CSMD2: variants seen among roughly 807,000 people sequenced by gnomAD.
The protein encoded by CSMD2 is CUB and sushi domain-containing protein 2.
Under a neutral mutation model 398.5 loss-of-function variants are expected in CSMD2, and 130 were observed. The observed-to-expected ratio is 0.33, with a 90% CI of 0.28 to 0.38. The LOEUF is 0.38. CSMD2 is among the 10% of genes least tolerant of loss of function. The pLI, the probability that CSMD2 is intolerant of heterozygous loss-of-function variation, is 1.00. For missense variants in CSMD2, 3,829 were observed against 4,764.9 expected (o/e 0.80, Z 5.78); for synonymous variants, 1,828 against 1,908.5 (o/e 0.96, Z 1.10).
intron 3 of CSMD2, among the ~76,000 whole-genome samples, chr1:34,019,971 A>G (rs570484316): frequency 6.6e-6 from 1 of 152,340 alleles, no homozygotes; most frequent in Non-Finnish European, 1.5e-5. Flanking sequence ...GAGCTGAGGA[A>G]TCAGCACAGA....
intron 37 of CSMD2, among the ~76,000 whole-genome samples, chr1:33,618,381 G>A (rs1355050079): frequency 6.6e-6 from 1 of 152,054 alleles, no homozygotes. Context: ...TCCTTGAATT[G>A]TGGGACCTCC....
chr1:33,714,718 C>A lies in CSMD2; in HGVS notation c.3275G>T (p.Gly1092Val). ...PEVPAYSIRK[G>V]LQFGVGDTLT... ...GGTGTCGCCCACGCCAAACTGCAAG[C>A]CCTTCCGGATGCTGTAGGCTGGGAC... The change falls in exon 21 of 71, where the codon GGC (glycine) becomes GTC (valine). Residue 1092 changes from glycine to valine, a missense_variant. Transcript: ENST00000373381. The A allele has an allele frequency of 6.2e-7, 1 of 1,614,156 alleles. No individual in the cohort carries two copies.
In CSMD2 at chr1:33,585,066, C is replaced by T. The variant is rs117230529; in HGVS notation, c.7052-1236G>A. 3.0e-4 allele frequency among the ~76,000 whole-genome samples: 46 copies of T among 152,216 alleles called. No individual in the cohort carries two copies. The East Asian group carries it at 5.2e-3, about 17-fold the overall frequency. ...CACCTCCATTTGTTTGGGTTGCGGA[C>T]GCCAAAGCAAAGTTCTGAGGACTAA... On this transcript the variant is annotated intron_variant, in intron 46 of 70. Coordinates refer to ENST00000373381, the MANE Select transcript of CSMD2 (RefSeq NM_001281956.2).
chr1:33,673,546 G>T (rs1236400886), intron 25 of CSMD2, among the ~76,000 whole-genome samples: 6 of 152,162 alleles, frequency 3.9e-5, no homozygotes, highest in South Asian at 2.1e-4. Flanking sequence ...TGCAGGATAT[G>T]ATCCAGGAGA....
At chr1:33,800,367 GT>G (rs1310537791) in intron 10 of CSMD2, among the ~76,000 whole-genome samples, 1 of 152,088 alleles carries the variant, frequency 6.6e-6, no homozygotes, top group Non-Finnish European at 1.5e-5. Flanking sequence ...CCTCCAGCAG[GT>G]ACTAAGAAGG....
Position 33,724,570 on chromosome 1 carries a change from G to A in CSMD2, c.2830C>T (p.Pro944Ser), listed in dbSNP as rs1478575629. ...TGGAAGTTGGGCTCACACTCCAGAG[G>A]CTCCCCGTCACTTAATGTGTAGCCC... ...DSGYTLSDGE[P>S]LECEPNFQWS... Residue 944 changes from proline (P) to serine (S), a missense_variant, in exon 18 of 71, where the codon CCT (proline) becomes TCT (serine). Coordinates refer to ENST00000373381, the MANE Select transcript of CSMD2 (RefSeq NM_001281956.2). 1 of 1,614,086 alleles carries A rather than the reference G, an allele frequency of 6.2e-7. No homozygotes were observed. Among genetic ancestry groups the A allele is most frequent in the African/African-American group, 1.3e-5 (1 of 74,916 alleles).
At chr1:34,122,715 C>T (rs563684840) in intron 1 of CSMD2, among the ~76,000 whole-genome samples, 27 of 152,330 alleles carry the variant, frequency 1.8e-4, no homozygotes, top group African/African-American at 5.5e-4. Context: ...GCTCAGGATT[C>T]AAGTTCTTTC....
chr1:33,611,693 C>T lies in CSMD2; in HGVS notation c.6134-443G>A, dbSNP rs917647001. On this transcript the variant is annotated intron_variant, in intron 40 of 70. Coordinates refer to ENST00000373381, the MANE Select transcript of CSMD2 (RefSeq NM_001281956.2). Reference sequence around the variant, plus strand: ...TAGAACTCTTATGATAATTCAGAAACGTAGGGCTTAGAAGTATACATTGTC... The same window carrying T: ...TAGAACTCTTATGATAATTCAGAAATGTAGGGCTTAGAAGTATACATTGTC... Among the ~76,000 whole-genome samples, 5 of 152,122 alleles carry T rather than the reference C, an allele frequency of 3.3e-5. No individual in the cohort carries two copies. In the East Asian group the frequency reaches 5.8e-4, roughly 18 times the overall value.
At position 33,992,661 on chromosome 1, in the gene CSMD2, G is replaced by A. The variant is rs547770105; in HGVS notation, c.517+39933C>T. Among the ~76,000 whole-genome samples the A allele has an allele frequency of 1.4e-3, 211 of 151,620 alleles. 2 individuals carry two copies. The highest frequency in any genetic ancestry group is 3.4e-3 in the Middle Eastern group (1 of 294). ...AGGTGGGCAGATCACGAGGTCAGGAGATCGAGACCATCCTGGCTAGCATGG... is the reference window on the plus strand; with the variant it reads ...AGGTGGGCAGATCACGAGGTCAGGAAATCGAGACCATCCTGGCTAGCATGG... On this transcript the variant is annotated intron_variant, in intron 3 of 70. Coordinates refer to ENST00000373381, the MANE Select transcript of CSMD2 (RefSeq NM_001281956.2).
intron 1 of CSMD2, among the ~76,000 whole-genome samples, chr1:34,110,040 C>CAAAAAAAA (rs57314887): frequency 1.6e-5 from 1 of 63,400 alleles, no homozygotes; most frequent in African/African-American, 6.5e-5. Flanking sequence ...GACTCTGTCT[C>CAAAAAAAA]AAAAAAAAAA....
intron 27 of CSMD2, among the ~76,000 whole-genome samples, chr1:33,655,513 G>T (rs1000729703): frequency 7.9e-5 from 12 of 152,202 alleles, no homozygotes; most frequent in Non-Finnish European, 1.6e-4. Flanking sequence ...TTTGTCTAAG[G>T]CCACACAGCT....
chr1:33,806,074 A>G (rs1656194405), intron 10 of CSMD2, among the ~76,000 whole-genome samples: 1 of 152,218 alleles, frequency 6.6e-6, no homozygotes, highest in Non-Finnish European at 1.5e-5. Flanking sequence ...AAGAGGGAAC[A>G]GGAGACAAAA....
chr1:33,858,955 AT>A (rs1463896938), intron 5 of CSMD2, among the ~76,000 whole-genome samples: 1 of 152,194 alleles, frequency 6.6e-6, no homozygotes, highest in East Asian at 1.9e-4. Flanking sequence ...AGTGTGCAGG[AT>A]TGAATATATC....
chr1:33,726,723 G>A (rs1016094636), intron 15 of CSMD2, 38 bp from the exon 16 acceptor site: 2 of 1,577,206 alleles, frequency 1.3e-6, no homozygotes, highest in South Asian at 2.3e-5. Context: ...CTTTCTTCAG[G>A]GACAAATGAG....
chr1:33,905,312 C>T (rs763294971), intron 5 of CSMD2, among the ~76,000 whole-genome samples: 6 of 152,142 alleles, frequency 3.9e-5, no homozygotes, highest in Middle Eastern at 6.8e-3. Flanking sequence ...AGAGAGTGGA[C>T]GTTGGAAGAA....
intron 3 of CSMD2, among the ~76,000 whole-genome samples, chr1:33,960,033 C>A (rs568165896): frequency 4.6e-5 from 7 of 152,326 alleles, no homozygotes; most frequent in African/African-American, 1.4e-4. Context: ...CTGATCCCCA[C>A]GTGACAGAAG....
At chr1:33,615,400 G>C (rs1179326524) in intron 39 of CSMD2, among the ~76,000 whole-genome samples, 1 of 152,210 alleles carries the variant, frequency 6.6e-6, no homozygotes, top group Non-Finnish European at 1.5e-5. Flanking sequence ...TCATAGAACA[G>C]GGATTGGCAG....
intron 67 of CSMD2, 38 bp downstream of exon 67, chr1:33,523,269 C>T: frequency 3.0e-6 from 3 of 986,084 alleles, no homozygotes; most frequent in Non-Finnish European, 4.9e-6. Context: ...TGCCAGTGAT[C>T]TGGGAGTCAG....
intron 2 of CSMD2, among the ~76,000 whole-genome samples, chr1:34,043,787 C>G (rs1652156093): frequency 6.6e-6 from 1 of 152,196 alleles, no homozygotes; most frequent in African/African-American, 2.4e-5. Flanking sequence ...ATGGTTTATG[C>G]TGAACACCTG....
Sources: allele counts gnomAD v4.1 joint callset (sites outside exome capture counted in the v4.1 genomes callset), GRCh38; gene constraint gnomAD v4.1.1; transcripts MANE v1.5; gene names NCBI Gene and HGNC (gene_info 2026-07-23, HGNC 2026-07-21).